Variants in GRK3 observed in about 807,000 individuals in gnomAD.
GRK3 encodes the protein G protein-coupled receptor kinase 3.
GRK3 carries 54 observed loss-of-function variants against 95.7 expected under a neutral mutation model. The ratio of observed to expected loss-of-function variants is 0.56; its 90% CI spans 0.45 to 0.71. The LOEUF is 0.71. GRK3 is among the 30% of genes least tolerant of loss of function. The pLI, the probability that GRK3 is intolerant of heterozygous loss-of-function variation, is 0.00. For synonymous variants in GRK3, 281 were observed against 290.8 expected (o/e 0.97, Z 0.34); for missense variants, 649 against 851.2 (o/e 0.76, Z 2.96).
At chr22:25,656,835 GACC>G in intron 3 of GRK3, among the ~76,000 whole-genome samples, 1 of 152,288 alleles carries the variant, frequency 6.6e-6, no homozygotes, top group Non-Finnish European at 1.5e-5. Context: ...GTGACTTGGT[GACC>G]ACTTTAGATT....
chr22:25,659,866 A>T (rs1463147156), intron 3 of GRK3, among the ~76,000 whole-genome samples: 1 of 152,202 alleles, frequency 6.6e-6, no homozygotes, highest in Admixed American at 6.5e-5. Flanking sequence ...CCCAGAAATG[A>T]TGGGATTTGA....
chr22:25,699,416 G>A (rs2085238449), intron 13 of GRK3, among the ~76,000 whole-genome samples: 1 of 152,096 alleles, frequency 6.6e-6, no homozygotes, highest in Non-Finnish European at 1.5e-5. Flanking sequence ...GGGACACTGG[G>A]CAATGGCTGG....
chr22:25,571,003 A>T (rs531305746), intron 1 of GRK3, among the ~76,000 whole-genome samples: 2 of 152,346 alleles, frequency 1.3e-5, no homozygotes, highest in East Asian at 3.9e-4. Context: ...TTTTTGCGAC[A>T]TATTTTGTAA....
intron 13 of GRK3, chr22:25,702,823 C>T (rs1007718202): frequency 6.6e-6 from 3 of 455,942 alleles, no homozygotes; most frequent in Non-Finnish European, 4.4e-6. Context: ...AAGTATGCGG[C>T]TTGATCCCCG....
chr22:25,620,812 G>A (rs187835360), intron 2 of GRK3, among the ~76,000 whole-genome samples: 203 of 152,306 alleles, frequency 1.3e-3, no homozygotes, highest in Middle Eastern at 3.4e-3. Context: ...TGCTAGGCAA[G>A]AAGAAACAAT....
chr22:25,691,080 G>A (rs1204318828), intron 12 of GRK3, among the ~76,000 whole-genome samples: 1 of 152,110 alleles, frequency 6.6e-6, no homozygotes, highest in African/African-American at 2.4e-5. Context: ...AGTTCCCCCG[G>A]GGCTCTGCAG....
intron 2 of GRK3, among the ~76,000 whole-genome samples, chr22:25,610,858 C>CT (rs937436516): frequency 3.5e-4 from 53 of 151,648 alleles, no homozygotes; most frequent in African/African-American, 1.1e-3. Context: ...ACAGAGCACA[C>CT]TTTTTTTTTG....
At chr22:25,620,006 T>TTTTGTG (rs144086816) in intron 2 of GRK3, among the ~76,000 whole-genome samples, 1,190 of 90,264 alleles carry the variant, frequency 0.013, 25 homozygotes, top group East Asian at 0.027. Context: ...TTTGTCTTTT[T>TTTTGTG]TGTGTGTGTG....
At chr22:25,618,945 G>A (rs542458006) in intron 2 of GRK3, among the ~76,000 whole-genome samples, 1 of 152,168 alleles carries the variant, frequency 6.6e-6, no homozygotes, top group Non-Finnish European at 1.5e-5. Context: ...TTCCATGTCT[G>A]AAAACAGTTA....
chr22:25,612,749 A>G (rs564758453), intron 2 of GRK3, among the ~76,000 whole-genome samples: 3 of 152,146 alleles, frequency 2.0e-5, no homozygotes, highest in Non-Finnish European at 4.4e-5. Context: ...TTTAGGGCCA[A>G]GGCATAAGAA....
At chr22:25,654,074 T>TC (rs1374244104) in intron 3 of GRK3, among the ~76,000 whole-genome samples, 1 of 152,266 alleles carries the variant, frequency 6.6e-6, no homozygotes, top group African/African-American at 2.4e-5. Context: ...TGATTGAAAT[T>TC]GCTTAGAGCA....
At chr22:25,600,923 G>A (rs1378432707) in intron 1 of GRK3, among the ~76,000 whole-genome samples, 1 of 152,078 alleles carries the variant, frequency 6.6e-6, no homozygotes, top group Non-Finnish European at 1.5e-5. Flanking sequence ...GCATTAAAAA[G>A]GTGTATTTCA....
At chr22:25,646,604 T>C (rs1246506836) in intron 3 of GRK3, among the ~76,000 whole-genome samples, 1 of 152,156 alleles carries the variant, frequency 6.6e-6, no homozygotes, top group Non-Finnish European at 1.5e-5. Context: ...CTATGGAAAC[T>C]ATGACAAAGT....
chr22:25,590,789 G>A (rs1418770573), intron 1 of GRK3, among the ~76,000 whole-genome samples: 2 of 152,080 alleles, frequency 1.3e-5, no homozygotes, highest in Non-Finnish European at 2.9e-5. Context: ...TAGCGACAGA[G>A]CGATACTGCG....
At chr22:25,576,459 G>T (rs908482314) in intron 1 of GRK3, among the ~76,000 whole-genome samples, 3 of 152,200 alleles carry the variant, frequency 2.0e-5, no homozygotes, top group African/African-American at 7.2e-5. Flanking sequence ...AAGCTGCCTA[G>T]ACCAGAAACC....
intron 2 of GRK3, among the ~76,000 whole-genome samples, chr22:25,616,776 C>T (rs888505416): frequency 2.0e-5 from 3 of 152,272 alleles, no homozygotes; most frequent in Admixed American, 6.5e-5. Context: ...GCTGGGGACA[C>T]TTGTCCTCAG....
chr22:25,672,463 A>G, intron 7 of GRK3, 116 bp downstream of exon 7: 1 of 645,358 alleles, frequency 1.5e-6, no homozygotes, highest in Non-Finnish European at 2.8e-6. Flanking sequence ...GCCCAAACAG[A>G]TGTCTGTCTT....
At chr22:25,575,970 T>C (rs1931875874) in intron 1 of GRK3, among the ~76,000 whole-genome samples, 1 of 152,258 alleles carries the variant, frequency 6.6e-6, no homozygotes, top group Non-Finnish European at 1.5e-5. Context: ...TAAATTATTC[T>C]CTTCCTATAG....
At chr22:25,685,399 T>G (rs2085104975) in intron 10 of GRK3, 151 bp downstream of exon 10, 1 of 631,544 alleles carries the variant, frequency 1.6e-6, no homozygotes, top group Admixed American at 2.7e-5. Context: ...CCCTTTAATC[T>G]TCACTGAAAA....
Sources: allele counts gnomAD v4.1 joint callset (sites outside exome capture counted in the v4.1 genomes callset), GRCh38; gene constraint gnomAD v4.1.1; transcripts MANE v1.5; gene names NCBI Gene and HGNC (gene_info 2026-07-23, HGNC 2026-07-21).